MSH6: variants seen among roughly 807,000 people sequenced by gnomAD.
The protein encoded by MSH6 is DNA mismatch repair protein Msh6.
Under a neutral mutation model 119.1 loss-of-function variants are expected in MSH6, and 85 were observed. The observed-to-expected ratio is 0.71, with a 90% CI of 0.60 to 0.85. The LOEUF is 0.85. Among genes scored for constraint, MSH6 ranks in the 40% least tolerant of loss-of-function variants. MSH6 has a pLI of 0.00. For synonymous variants in MSH6, 830 were observed against 586.9 expected (o/e 1.41, Z -5.99); for missense variants, 2,163 against 1,655.3 (o/e 1.31, Z -5.32).
At chr2:47,809,396 A>G (rs999200490), downstream of MSH6, 2 of 687,876 alleles carry the variant, frequency 2.9e-6, no homozygotes, top group Admixed American at 3.2e-5. Flanking sequence ...CCAATGAAGT[A>G]ATTGTAAGAA....
intron 1 of MSH6, 74 bp from the exon 2 acceptor site, chr2:47,790,853 T>C: frequency 4.5e-6 from 6 of 1,335,232 alleles, no homozygotes; most frequent in Non-Finnish European, 6.5e-6. Flanking sequence ...TTGGAATTGT[T>C]TATTTGTAGG....
intron 7 of MSH6, 118 bp from the exon 8 acceptor site, chr2:47,806,072 CCTATTTATAGAATG>C: frequency 1.1e-6 from 1 of 870,152 alleles, no homozygotes; most frequent in South Asian, 1.4e-5. Context: ...CTAAACAAGG[CCTATTTATAGAATG>C]CTTTTAGACG....
Position 47,806,833 on chromosome 2 carries a change from A to G in MSH6, c.4056A>G (p.Lys1352=). ...CTGTAGATGCTGAAGCTGTCCATAA[A>G]TTGCTGACTTTGATTAAGGAATTAT... is the stretch of plus-strand genomic sequence containing the variant. ...RSTVDAEAVH[K]LLTLIKEL Residue 1352 remains lysine (K), a synonymous_variant, in exon 10 of 10, where the codon AAA becomes AAG. Coordinates refer to ENST00000234420, the MANE Select transcript of MSH6 (RefSeq NM_000179.3). The G allele has an allele frequency of 2.5e-6, 4 of 1,612,362 alleles. 1 individual carries two copies. The South Asian group carries it at 3.3e-5, about 13-fold the overall frequency.
chr2:47,809,298 A>G (rs759240070), downstream of MSH6: 1 of 1,358,400 alleles, frequency 7.4e-7, no homozygotes, highest in South Asian at 1.3e-5. Context: ...GTAAAAATTC[A>G]GAGGAATGTT....
Position 47,803,449 on chromosome 2 carries a change from C to T in MSH6, c.3202C>T (p.Arg1068Ter), listed in dbSNP as rs63749843. ...TTTACTGTGCCTGGCTAACTATAGT[C>T]GAGGGGGTGATGGTCCTATGTGTCG... ...DVLLCLANYS[R>*]GGDGPMCRPV... is the part of the protein sequence containing the mutation. Residue 1068 changes from arginine to a stop codon, truncating the protein, a stop_gained, in exon 5 of 10, where the codon CGA becomes TGA. Transcript: ENST00000234420. LOFTEE classifies it high-confidence loss of function. 8.1e-6 allele frequency: 13 copies of T among 1,613,972 alleles called. No homozygotes were observed. The highest frequency in any genetic ancestry group is 4.0e-5 in the African/African-American group (3 of 74,888).
In MSH6 at chr2:47,805,816, T is replaced by G. The variant is rs1010065835; in HGVS notation, c.3646+109T>G. 47 of 906,522 alleles carry G rather than the reference T, an allele frequency of 5.2e-5. No individual in the cohort carries two copies. The Middle Eastern group carries it at 1.9e-3, about 37-fold the overall frequency. The allele number at this position is 906,522 out of a possible 1,614,324, so 56.2% of individuals were successfully genotyped here. A position where few individuals can be genotyped will look rare whatever the true frequency, so the allele number is the denominator to read the frequency against. ...AGTACATTTAAACAATATGAATGTT[T>G]TTAGAGCACGCACTCACCATTGTGG... On this transcript the variant is annotated intron_variant, in intron 7 of 9. Coordinates refer to ENST00000234420, the MANE Select transcript of MSH6 (RefSeq NM_000179.3).
chr2:47,796,128 T>A (rs1669075872), intron 3 of MSH6, 65 bp downstream of exon 3: 2 of 1,528,362 alleles, frequency 1.3e-6, no homozygotes, highest in Non-Finnish European at 1.8e-6. Context: ...AGGGGGAGGG[T>A]GTATTAACAA....
In MSH6 at chr2:47,783,481, C is replaced by G. The variant is rs876661197; in HGVS notation, c.248C>G (p.Ala83Gly). 3 of 1,431,812 alleles carry G rather than the reference C, an allele frequency of 2.1e-6. No individual in the cohort carries two copies. Among genetic ancestry groups the G allele is most frequent in the Non-Finnish European group, 2.7e-6 (3 of 1,092,422 alleles). The allele number at this position is 1,431,812 out of a possible 1,614,324, so 88.7% of individuals were successfully genotyped here. Residue 83 changes from alanine (A) to glycine (G), a missense_variant, in exon 1 of 10, where the codon GCT becomes GGT. By Grantham distance (60) the Ala-to-Gly change is moderately conservative. Coordinates refer to ENST00000234420, the MANE Select transcript of MSH6 (RefSeq NM_000179.3). ...GGGCTGCGGAGATCGGTAGCGCCTG[C>G]TGCCCCCACCAGGTAGCGGGGTGGG... The part of the protein sequence containing the change: ...NGGLRRSVAP[A>G]APTSCDFSPG...
chr2:47,799,147 C>T lies in MSH6; in HGVS notation c.1164C>T (p.His388=), dbSNP rs55708305. The T allele has an allele frequency of 2.5e-3, 3,998 of 1,613,754 alleles. 80 individuals are homozygous for T. In the African/African-American group the frequency reaches 0.044, roughly 18 times the overall value. Residue 388 remains histidine (H), a synonymous_variant, in exon 4 of 10, where the codon CAC becomes CAT. Coordinates refer to ENST00000234420, the MANE Select transcript of MSH6 (RefSeq NM_000179.3). ...RRDEHRRRPD[H]PDFDASTLYV... ...ATGAGCACAGGAGGAGGCCTGATCA[C>T]CCCGATTTTGATGCATCTACACTCT...
At chr2:47,801,224 C>G (rs753496109) in intron 4 of MSH6, 69 bp downstream of exon 4, 1 of 1,517,234 alleles carries the variant, frequency 6.6e-7, no homozygotes, top group Non-Finnish European at 9.0e-7. Context: ...TATATTATCC[C>G]TAAAAATAAG....
chr2:47,799,171 C>G lies in MSH6; in HGVS notation c.1188C>G (p.Leu396=), dbSNP rs786202626. 3 of 1,614,168 alleles carry G rather than the reference C, an allele frequency of 1.9e-6. No individual in the cohort carries two copies. The highest frequency in any genetic ancestry group is 2.5e-6 in the Non-Finnish European group (3 of 1,180,014). ...ACCCCGATTTTGATGCATCTACACT[C>G]TATGTGCCTGAGGATTTCCTCAATT... is the stretch of plus-strand genomic sequence containing the variant. ...PDHPDFDAST[L]YVPEDFLNSC... is the part of the protein sequence containing the mutation. The change falls in exon 4 of 10, where the codon CTC becomes CTG. Residue 396 remains leucine (L), a synonymous_variant. Transcript: ENST00000234420.
At chr2:47,794,898 G>T (rs1296551448) in intron 2 of MSH6, among the ~76,000 whole-genome samples, 1 of 152,050 alleles carries the variant, frequency 6.6e-6, no homozygotes, top group African/African-American at 2.4e-5. Context: ...GGGTTCAAGT[G>T]ATTCTCCTTC....
rs191917221 is a variant in MSH6 at position 47,801,283 on chromosome 2, A to G, written c.3172+128A>G. On this transcript the variant is annotated intron_variant, in intron 4 of 9. Coordinates refer to ENST00000234420, the MANE Select transcript of MSH6 (RefSeq NM_000179.3). ...TTTTGACATGCATATACATATTTGC[A>G]TCCTGACTAGGCTGCCCACAGCAAT... 1.1e-4 allele frequency: 104 copies of G among 975,574 alleles called. No individual in the cohort carries two copies. The African/African-American group carries it at 1.4e-3, about 13-fold the overall frequency. The allele number at this position is 975,574 out of a possible 1,614,324, so 60.4% of individuals were successfully genotyped here.
intron 1 of MSH6, chr2:47,784,460 G>A (rs1668222316): frequency 6.5e-6 from 1 of 153,822 alleles, no homozygotes. Context: ...GCAGTTAAGT[G>A]CTTTTTTTTT....
Position 47,799,550 on chromosome 2 carries a change from A to C in MSH6, c.1567A>C (p.Thr523Pro), listed in dbSNP as rs759857124. 7.4e-6 allele frequency: 12 copies of C among 1,614,134 alleles called. No homozygotes were observed. In the South Asian group the frequency reaches 1.3e-4, roughly 18 times the overall value. Residue 523 changes from threonine to proline, a missense_variant, in exon 4 of 10, where the codon ACT becomes CCT. Coordinates refer to ENST00000234420, the MANE Select transcript of MSH6 (RefSeq NM_000179.3). ...ICRIITKGTQ[T>P]YSVLEGDPSE... The stretch of plus-strand genomic sequence containing the variant: ...TAGGATCATTACCAAGGGTACACAG[A>C]CTTACAGTGTGCTGGAAGGTGATCC...
At position 47,806,428 on chromosome 2, in the gene MSH6, T is replaced by G. The variant is rs752073167; in HGVS notation, c.3802-24T>G. ...GGCACTTCTCTTGCTAGCACATGTA[T>G]CGCTAATATTTTTCTTTCTTAAGGC... On this transcript the variant is annotated intron_variant, in intron 8 of 9. Transcript: ENST00000234420. 8 of 1,613,900 alleles carry G rather than the reference T, an allele frequency of 5.0e-6. No homozygotes were observed. The East Asian group carries it at 1.6e-4, about 31-fold the overall frequency.
At position 47,799,246 on chromosome 2, in the gene MSH6, T is replaced by C. The variant is rs1472260883; in HGVS notation, c.1263T>C (p.Phe421=). The C allele has an allele frequency of 6.2e-7, 1 of 1,614,154 alleles. No individual in the cohort carries two copies. Among genetic ancestry groups the C allele is most frequent in the East Asian group, 2.2e-5 (1 of 44,890 alleles). Residue 421 remains phenylalanine (F), a synonymous_variant, in exon 4 of 10, where the codon TTT becomes TTC. Coordinates refer to ENST00000234420, the MANE Select transcript of MSH6 (RefSeq NM_000179.3). Reference sequence around the variant, plus strand: ...GGTGGCAGATTAAGTCTCAGAACTTTGATCTTGTCATCTGTTACAAGGTGG... The same window carrying C: ...GGTGGCAGATTAAGTCTCAGAACTTCGATCTTGTCATCTGTTACAAGGTGG... ...RKWWQIKSQN[F]DLVICYKVGK...
chr2:47,796,025 G>C lies in MSH6; in HGVS notation c.589G>C (p.Asp197His), dbSNP rs148517241. 3 of 1,614,142 alleles carry C rather than the reference G, an allele frequency of 1.9e-6. No individual in the cohort carries two copies. The African/African-American group carries it at 4.0e-5, about 22-fold the overall frequency. ...TAAGAGGCTTGAATTGGCAGTTTGT[G>C]ATGAGCCCTCAGAGCCAGAAGAGGA... The part of the protein sequence containing the change: ...KIKRLELAVC[D>H]EPSEPEEEEE... Residue 197 changes from aspartate to histidine, a missense_variant, in exon 3 of 10, where the codon GAT (aspartate) becomes CAT (histidine). Asp to His is a moderately conservative substitution (Grantham distance 81, BLOSUM62 -1). Coordinates refer to ENST00000234420, the MANE Select transcript of MSH6 (RefSeq NM_000179.3).
chr2:47,803,006 G>A (rs1255923777), intron 4 of MSH6, among the ~76,000 whole-genome samples: 1 of 152,106 alleles, frequency 6.6e-6, no homozygotes, highest in Non-Finnish European at 1.5e-5. Context: ...CTGCCTCCCA[G>A]GTTCAAGTGA....
Sources: gnomAD v4.1 joint callset for allele counts (sites outside exome capture counted in the v4.1 genomes callset) on GRCh38, gnomAD v4.1.1 for gene constraint, MANE v1.5 for transcripts, NCBI Gene and HGNC (gene_info 2026-07-23, HGNC 2026-07-21) for gene names.